The following CBX5 variants were observed in gnomAD, a reference collection of about 807,000 sequenced individuals.
CBX5 encodes chromobox 5.
Under a neutral mutation model 20.7 loss-of-function variants are expected in CBX5, and 7 were observed. The ratio of observed to expected loss-of-function variants is 0.34; its 90% CI spans 0.19 to 0.63. CBX5 has a LOEUF of 0.63. Among genes scored for constraint, CBX5 ranks in the 30% least tolerant of loss-of-function variants. CBX5 has a pLI of 0.75. For missense variants in CBX5, 110 were observed against 224.1 expected, an observed-to-expected ratio of 0.49 and a Z score of 3.25; for synonymous variants, 78 against 77.0, an observed-to-expected ratio of 1.01 and a Z score of -0.07.
At chr12:54,260,652 C>A (rs1462590535) in intron 1 of CBX5, among the ~76,000 whole-genome samples, 1 of 151,940 alleles carries the variant, frequency 6.6e-6, no homozygotes, top group Non-Finnish European at 1.5e-5. Flanking sequence ...AATAATTATT[C>A]ATCACCTGAT....
intron 1 of CBX5, chr12:54,273,244 G>C (rs1944027346): frequency 6.6e-6 from 1 of 152,184 alleles, no homozygotes; most frequent in South Asian, 2.1e-4. Flanking sequence ...AAGGGTTCTA[G>C]ACCAGCCTGG....
intron 1 of CBX5, among the ~76,000 whole-genome samples, chr12:54,276,127 C>G (rs951420841): frequency 4.6e-5 from 7 of 151,972 alleles, no homozygotes; most frequent in African/African-American, 1.7e-4. Context: ...ACTAGAAAGT[C>G]TCGGTTTGGC....
chr12:54,278,106 T>C (rs1164678861), intron 1 of CBX5, among the ~76,000 whole-genome samples: 2 of 152,140 alleles, frequency 1.3e-5, no homozygotes, highest in Non-Finnish European at 2.9e-5. Context: ...CTGGAAACAA[T>C]CTGTCACAAA....
chr12:54,269,378 C>T (rs924538075), intron 1 of CBX5, among the ~76,000 whole-genome samples: 4 of 152,100 alleles, frequency 2.6e-5, no homozygotes, highest in African/African-American at 9.7e-5. Context: ...TCAGTGAAGC[C>T]ATCTGGGCTC....
chr12:54,262,636 GA>G (rs1041541095), intron 1 of CBX5: 1 of 152,696 alleles, frequency 6.5e-6, no homozygotes, highest in African/African-American at 2.4e-5. Context: ...TAAGAAATGA[GA>G]AATGCACTCA....
intron 3 of CBX5, among the ~76,000 whole-genome samples, chr12:54,251,178 C>T (rs935264905): frequency 2.7e-5 from 4 of 145,974 alleles, no homozygotes; most frequent in Non-Finnish European, 4.5e-5. Context: ...TTCAAAGCCC[C>T]GGCTGGGCAT....
intron 4 of CBX5, among the ~76,000 whole-genome samples, chr12:54,245,611 G>A (rs1256519318): frequency 6.6e-6 from 1 of 151,998 alleles, no homozygotes; most frequent in African/African-American, 2.4e-5. Flanking sequence ...GACCAACATA[G>A]AGGAACCCTG....
chr12:54,238,523 A>G lies in CBX5; in HGVS notation c.*3232T>C, dbSNP rs909589813. 3 of 152,262 alleles carry G rather than the reference A, an allele frequency of 2.0e-5. No homozygotes were observed. The highest frequency in any genetic ancestry group is 7.2e-5 in the African/African-American group (3 of 41,472). The allele number at this position is 152,262 out of a possible 1,614,324, so 9.4% of individuals were successfully genotyped here. A position where few individuals can be genotyped will look rare whatever the true frequency, so the allele number is the denominator to read the frequency against. On this transcript the variant is annotated 3_prime_UTR_variant, in exon 5 of 5. Transcript: ENST00000209875. ...TGAAATCTAAATGAAGATTTAGCTT[A>G]GAAAGCATGAAGATAGTATGTTCCA... is the stretch of plus-strand genomic sequence containing the variant.
rs1418342340 is a variant in CBX5 at position 54,239,168 on chromosome 12, C to T, written c.*2587G>A. On this transcript the variant is annotated 3_prime_UTR_variant, in exon 5 of 5. Transcript: ENST00000209875. ...GGCACTCAGTACAATAAACCGAAGA[C>T]AAAAAAGACAGAGTAAAGTCTATTA... 2 of 151,872 alleles carry T rather than the reference C, an allele frequency of 1.3e-5. No homozygotes were observed. Among genetic ancestry groups the T allele is most frequent in the African/African-American group, 2.4e-5 (1 of 41,364 alleles). The allele number at this position is 151,872 out of a possible 1,614,324, so 9.4% of individuals were successfully genotyped here.
At chr12:54,247,595 A>G (rs940158974) in intron 3 of CBX5, among the ~76,000 whole-genome samples, 9 of 152,232 alleles carry the variant, frequency 5.9e-5, no homozygotes, top group African/African-American at 2.2e-4. Flanking sequence ...AAATGTAGTA[A>G]TACAATCTAG....
In CBX5 at chr12:54,239,181, G is replaced by GT. The variant is rs1943652829; in HGVS notation, c.*2573dup. The GT allele has an allele frequency of 1.3e-5, 2 of 152,304 alleles. No homozygotes were observed. The highest frequency in any genetic ancestry group is 4.2e-4 in the South Asian group (2 of 4,818). The allele number at this position is 152,304 out of a possible 1,614,324, so 9.4% of individuals were successfully genotyped here. A position where few individuals can be genotyped will look rare whatever the true frequency, so the allele number is the denominator to read the frequency against. On this transcript the variant is annotated 3_prime_UTR_variant, in exon 5 of 5. Transcript: ENST00000209875. Reference sequence around the variant, plus strand: ...ATAAACCGAAGACAAAAAAGACAGAGTAAAGTCTATTAACAGATGGTAAGT... The same window carrying GT: ...ATAAACCGAAGACAAAAAAGACAGAGTTAAAGTCTATTAACAGATGGTAAGT...
chr12:54,250,571 C>T (rs1446506689), intron 3 of CBX5, among the ~76,000 whole-genome samples: 4 of 149,792 alleles, frequency 2.7e-5, no homozygotes, highest in Admixed American at 6.6e-5. Context: ...TTTGGGAGGC[C>T]GAGGCGGGTG....
chr12:54,244,094 C>T (rs1238100348), intron 4 of CBX5, among the ~76,000 whole-genome samples: 3 of 151,386 alleles, frequency 2.0e-5, no homozygotes, highest in East Asian at 2.1e-4. Flanking sequence ...CTCCGCCTCC[C>T]GGGTTCACAC....
chr12:54,269,588 C>A (rs1435233468), intron 1 of CBX5, among the ~76,000 whole-genome samples: 1 of 152,142 alleles, frequency 6.6e-6, no homozygotes, highest in Non-Finnish European at 1.5e-5. Flanking sequence ...GGGGCTTCAC[C>A]ATGCTAGCCA....
chr12:54,279,842 C>A (rs1049481237), intron 1 of CBX5, among the ~76,000 whole-genome samples, 166 bp downstream of exon 1: 1 of 152,224 alleles, frequency 6.6e-6, no homozygotes, highest in African/African-American at 2.4e-5. Flanking sequence ...AAAGAACCTA[C>A]GGGGATTAAA....
At chr12:54,272,546 T>C (rs1225054050) in intron 1 of CBX5, 1 of 152,172 alleles carries the variant, frequency 6.6e-6, no homozygotes, top group African/African-American at 2.4e-5. Context: ...GTAGTGAAAA[T>C]GTTCCAGCTA....
At chr12:54,241,947 G>A (rs1172195972) in intron 4 of CBX5, 42 bp from the exon 5 acceptor site, 4 of 1,580,704 alleles carry the variant, frequency 2.5e-6, no homozygotes, top group South Asian at 1.1e-5. Flanking sequence ...GAGGAAGAGT[G>A]AAAGAATCTG....
At chr12:54,265,822 C>T (rs1224130980) in intron 1 of CBX5, among the ~76,000 whole-genome samples, 2 of 151,888 alleles carry the variant, frequency 1.3e-5, no homozygotes, top group Admixed American at 6.6e-5. Flanking sequence ...GCAGGCAGAT[C>T]GATCACTTGA....
intron 1 of CBX5, among the ~76,000 whole-genome samples, chr12:54,260,721 C>T (rs1365440899): frequency 6.6e-6 from 1 of 151,924 alleles, no homozygotes; most frequent in Non-Finnish European, 1.5e-5. Flanking sequence ...AAAAGGAGTA[C>T]TAGGATAAAT....
Sources: gnomAD v4.1 joint callset for allele counts (sites outside exome capture counted in the v4.1 genomes callset) on GRCh38, gnomAD v4.1.1 for gene constraint, MANE v1.5 for transcripts, NCBI Gene and HGNC (gene_info 2026-07-23, HGNC 2026-07-21) for gene names.